BRINP3: variants seen among roughly 807,000 people sequenced by gnomAD.
The protein encoded by BRINP3 is BMP/retinoic acid inducible neural specific 3.
A neutral mutation model predicts 71.0 loss-of-function variants in BRINP3; 19 were observed. That is an observed-to-expected ratio of 0.27 (90% CI 0.19 to 0.39). The LOEUF (loss-of-function observed/expected upper bound fraction) is 0.39, where lower values mean the gene tolerates loss of function less well. Among genes scored for constraint, BRINP3 ranks in the 10% least tolerant of loss-of-function variants. The pLI is 1.00. For synonymous variants in BRINP3, 380 were observed against 337.7 expected (o/e 1.13, Z -1.37); for missense variants, 959 against 940.8 (o/e 1.02, Z -0.25).
intron 1 of BRINP3, among the ~76,000 whole-genome samples, chr1:190,457,383 G>C (rs959449942): frequency 6.6e-6 from 1 of 152,128 alleles, no homozygotes; most frequent in Non-Finnish European, 1.5e-5. Context: ...GACAGGGGTT[G>C]CGGTGAGCTT....
At chr1:190,134,379 T>A (rs1267869723) in intron 7 of BRINP3, among the ~76,000 whole-genome samples, 1 of 152,080 alleles carries the variant, frequency 6.6e-6, no homozygotes, top group African/African-American at 2.4e-5. Context: ...AGCAGGATTA[T>A]GTTAGTCGTA....
At chr1:190,103,357 T>C (rs137961765) in intron 7 of BRINP3, among the ~76,000 whole-genome samples, 1 of 152,178 alleles carries the variant, frequency 6.6e-6, no homozygotes, top group African/African-American at 2.4e-5. Context: ...ATGCTCATAA[T>C]GAAACAACAT....
At chr1:190,379,774 C>G (rs1027469010) in intron 2 of BRINP3, among the ~76,000 whole-genome samples, 1 of 151,662 alleles carries the variant, frequency 6.6e-6, no homozygotes, top group Non-Finnish European at 1.5e-5. Context: ...CCGAGGCAGG[C>G]GGATCATGAG....
intron 7 of BRINP3, among the ~76,000 whole-genome samples, chr1:190,100,113 G>T (rs181680941): frequency 7.9e-5 from 12 of 152,092 alleles, no homozygotes; most frequent in African/African-American, 2.9e-4. Context: ...TAGTAATATC[G>T]TCCATGTTGA....
At chr1:190,268,302 T>C (rs1359422640) in intron 3 of BRINP3, among the ~76,000 whole-genome samples, 1 of 152,164 alleles carries the variant, frequency 6.6e-6, no homozygotes, top group Non-Finnish European at 1.5e-5. Context: ...TCTCACTGTG[T>C]TGCCCAGGCT....
intron 2 of BRINP3, among the ~76,000 whole-genome samples, chr1:190,449,062 C>G (rs1421770295): frequency 6.6e-6 from 1 of 151,948 alleles, no homozygotes; most frequent in East Asian, 1.9e-4. Flanking sequence ...AGTTTATAAA[C>G]CTGGGTCACT....
chr1:190,384,958 A>G (rs1292263045), intron 2 of BRINP3, among the ~76,000 whole-genome samples: 1 of 151,824 alleles, frequency 6.6e-6, no homozygotes, highest in East Asian at 1.9e-4. Flanking sequence ...GACAAAAACA[A>G]GGAATGGGGA....
chr1:190,212,122 T>G (rs374923949), intron 6 of BRINP3, among the ~76,000 whole-genome samples: 15 of 152,154 alleles, frequency 9.9e-5, no homozygotes, highest in Non-Finnish European at 1.5e-4. Context: ...TTTACTTTTA[T>G]ATTCCAACTA....
intron 2 of BRINP3, among the ~76,000 whole-genome samples, chr1:190,383,597 T>C (rs1294183920): frequency 2.0e-5 from 3 of 152,076 alleles, no homozygotes; most frequent in Non-Finnish European, 1.5e-5. Flanking sequence ...ACATGAGTAG[T>C]GAAATAAATT....
intron 2 of BRINP3, among the ~76,000 whole-genome samples, chr1:190,297,223 G>A (rs1279743654): frequency 6.6e-6 from 1 of 151,986 alleles, no homozygotes; most frequent in Non-Finnish European, 1.5e-5. Context: ...AGAGAGGCCA[G>A]AATAAACCTA....
chr1:190,213,269 G>A (rs769863958), intron 6 of BRINP3, among the ~76,000 whole-genome samples: 5 of 152,034 alleles, frequency 3.3e-5, no homozygotes, highest in Non-Finnish European at 4.4e-5. Context: ...GATGATGGCT[G>A]CACCGTGAGC....
At chr1:190,209,566 G>C (rs963481371) in intron 6 of BRINP3, among the ~76,000 whole-genome samples, 1 of 152,120 alleles carries the variant, frequency 6.6e-6, no homozygotes, top group Admixed American at 6.6e-5. Flanking sequence ...ATGAGAACCA[G>C]TAATATTTGC....
intron 2 of BRINP3, among the ~76,000 whole-genome samples, chr1:190,382,245 C>A (rs140558187): frequency 1.5e-3 from 234 of 151,818 alleles, no homozygotes; most frequent in African/African-American, 5.4e-3. Context: ...TTTTTTAATT[C>A]TCTCAACTTT....
chr1:190,278,271 C>T (rs947808450), intron 3 of BRINP3, among the ~76,000 whole-genome samples: 4 of 151,588 alleles, frequency 2.6e-5, no homozygotes, highest in African/African-American at 7.3e-5. Flanking sequence ...AAAAGGTTTG[C>T]TTATATACAT....
chr1:190,418,887 G>A (rs556373385), intron 2 of BRINP3, among the ~76,000 whole-genome samples: 5 of 152,132 alleles, frequency 3.3e-5, no homozygotes, highest in South Asian at 4.1e-4. Flanking sequence ...ACTAATGTAC[G>A]ATGGATTTTT....
chr1:190,130,067 T>C lies in BRINP3; in HGVS notation c.1184+30601A>G, dbSNP rs181144807. ...TTCAGGAAAAAATTCTAGCATCGTG[T>C]CCAGATATCAATTTGGCTTCTACAA... On this transcript the variant is annotated intron_variant, in intron 7 of 7. Transcript: ENST00000367462. Among the ~76,000 whole-genome samples, 802 of 152,094 alleles carry C rather than the reference T, an allele frequency of 5.3e-3. 10 individuals are homozygous for C. The highest frequency in any genetic ancestry group is 5.6e-3 in the Non-Finnish European group (378 of 67,934).
At chr1:190,473,660 T>C (rs1677299177) in intron 1 of BRINP3, among the ~76,000 whole-genome samples, 1 of 151,820 alleles carries the variant, frequency 6.6e-6, no homozygotes, top group African/African-American at 2.4e-5. Context: ...CAGAATGTGT[T>C]TGTCATTTTA....
At chr1:190,457,848 C>T (rs1189964657) in intron 1 of BRINP3, among the ~76,000 whole-genome samples, 2 of 151,572 alleles carry the variant, frequency 1.3e-5, no homozygotes, top group Non-Finnish European at 2.9e-5. Flanking sequence ...GTGAATTACC[C>T]AGAACCACTT....
chr1:190,301,531 C>T (rs1002436684), intron 2 of BRINP3, among the ~76,000 whole-genome samples: 1 of 151,266 alleles, frequency 6.6e-6, no homozygotes, highest in Admixed American at 6.6e-5. Flanking sequence ...TCATTTATCT[C>T]TTTCCTTCCT....
Sources: gnomAD v4.1 joint callset for allele counts (sites outside exome capture counted in the v4.1 genomes callset) on GRCh38, gnomAD v4.1.1 for gene constraint, MANE v1.5 for transcripts, NCBI Gene and HGNC (gene_info 2026-07-23, HGNC 2026-07-21) for gene names.